Variants in GEMIN7 observed in about 807,000 individuals in gnomAD.
GEMIN7 encodes gem nuclear organelle associated protein 7, also known as gem-associated protein 7.
Under a neutral mutation model 7.8 loss-of-function variants are expected in GEMIN7, and 7 were observed. That is an observed-to-expected ratio of 0.90 (90% CI 0.51 to 1.69). The LOEUF (loss-of-function observed/expected upper bound fraction) is 1.69. Among genes scored for constraint, GEMIN7 ranks in the 40% most tolerant of loss-of-function variants. The pLI, the probability that GEMIN7 is intolerant of heterozygous loss-of-function variation, is 0.00. For synonymous variants in GEMIN7, 68 were observed against 72.4 expected (o/e 0.94, Z 0.31); for missense variants, 159 against 176.2 (o/e 0.90, Z 0.55).
At position 45,080,772 on chromosome 19, in the gene GEMIN7, T is replaced by G. The variant is rs532647231; in HGVS notation, c.-9+743T>G. On this transcript the variant is annotated intron_variant, in intron 2 of 2. Transcript: ENST00000270257. ...AAATCTCCCTTGTTTTTTGTTTTTT[T>G]TTTTTTTTTTCCTGATGGAGAAAAC... 4.2e-4 allele frequency among the ~76,000 whole-genome samples: 63 copies of G among 150,308 alleles called. 2 individuals are homozygous for G. The highest frequency in any genetic ancestry group is 3.4e-3 in the Middle Eastern group (1 of 294).
intron 2 of GEMIN7, among the ~76,000 whole-genome samples, chr19:45,088,127 G>T (rs903872389): frequency 2.0e-5 from 3 of 151,432 alleles, no homozygotes; most frequent in Admixed American, 6.6e-5. Context: ...TGTATTTTTC[G>T]TAGAGACGGG....
At chr19:45,083,958 A>C (rs8111408) in intron 2 of GEMIN7, among the ~76,000 whole-genome samples, 84,221 of 151,072 alleles carry the variant, frequency 0.56, 24,214 homozygotes, top group African/African-American at 0.68. Context: ...CGCCTGTAAT[A>C]CTAGCACTTT....
chr19:45,077,593 G>A (rs1397534708), upstream of GEMIN7, among the ~76,000 whole-genome samples: 2 of 152,134 alleles, frequency 1.3e-5, no homozygotes, highest in East Asian at 3.8e-4. Flanking sequence ...CAGCCCAGAT[G>A]CTGATTTCAG....
chr19:45,081,614 CCTTT>C (rs997852954), intron 2 of GEMIN7, among the ~76,000 whole-genome samples: 10 of 151,208 alleles, frequency 6.6e-5, no homozygotes, highest in African/African-American at 2.2e-4. Context: ...GGGCTCTTGA[CCTTT>C]CTTTTTTTGT....
intron 2 of GEMIN7, among the ~76,000 whole-genome samples, chr19:45,086,374 G>C (rs976899861): frequency 6.6e-6 from 1 of 152,188 alleles, no homozygotes; most frequent in African/African-American, 2.4e-5. Flanking sequence ...TCCTCACTAG[G>C]TTTAGAGAGG....
intron 2 of GEMIN7, among the ~76,000 whole-genome samples, chr19:45,089,191 C>T (rs1967808810): frequency 6.6e-6 from 1 of 152,206 alleles, no homozygotes; most frequent in Non-Finnish European, 1.5e-5. Flanking sequence ...ATTCGCCCAC[C>T]TTGGCCTCCC....
chr19:45,090,715 A>AATCTT lies in GEMIN7; in HGVS notation c.*206_*207insTCTTA. ...TCTAGGAATTCTAAGATCCCATTGG[A>AATCTT]AGGAATGCTCTACCTCACAGAACTC... is the stretch of plus-strand genomic sequence containing the variant. On this transcript the variant is annotated 3_prime_UTR_variant, in exon 3 of 3. Transcript: ENST00000270257. 3 of 586,702 alleles carry AATCTT rather than the reference A, an allele frequency of 5.1e-6. No homozygotes were observed. In the African/African-American group the frequency reaches 5.6e-5, roughly 11 times the overall value. 36.3% of individuals were successfully genotyped at this position (586,702 alleles called of 1,614,324 possible). A position where few individuals can be genotyped will look rare whatever the true frequency, so the allele number is the denominator to read the frequency against.
At chr19:45,081,168 A>G (rs1237789908) in intron 2 of GEMIN7, among the ~76,000 whole-genome samples, 2 of 152,194 alleles carry the variant, frequency 1.3e-5, no homozygotes, top group African/African-American at 4.8e-5. Flanking sequence ...TGCTTTTTAA[A>G]AAATTAGAAA....
intron 2 of GEMIN7, among the ~76,000 whole-genome samples, chr19:45,087,735 G>A (rs1406178748): frequency 6.6e-6 from 1 of 151,960 alleles, no homozygotes; most frequent in African/African-American, 2.4e-5. Context: ...GCAGAGGAGG[G>A]ATATGATCTG....
At chr19:45,076,150 G>A, upstream of GEMIN7, 1 of 1,547,470 alleles carries the variant, frequency 6.5e-7, no homozygotes, top group Non-Finnish European at 8.7e-7. This position sits in a 1 kb window ranked among gnomAD's most constrained non-coding sequence, Gnocchi z 4.9. Flanking sequence ...GGCGGCCCCG[G>A]CGGGCATGGG....
chr19:45,083,044 G>A (rs943199968), intron 2 of GEMIN7, among the ~76,000 whole-genome samples: 1 of 152,210 alleles, frequency 6.6e-6, no homozygotes, highest in Non-Finnish European at 1.5e-5. Context: ...CTGCTGTTGT[G>A]CTACTGTGGC....
chr19:45,090,680 A>C lies in GEMIN7; in HGVS notation c.*170A>C, dbSNP rs1967868758. The stretch of plus-strand genomic sequence containing the variant: ...AGACCTCCTGGGTCTAGTCAGTAAA[A>C]TTCTGCAACTCTAGGAATTCTAAGA... On this transcript the variant is annotated 3_prime_UTR_variant, in exon 3 of 3. Coordinates refer to ENST00000270257, the MANE Select transcript of GEMIN7 (RefSeq NM_024707.3). 1.6e-5 allele frequency: 10 copies of C among 616,228 alleles called. No homozygotes were observed. In the South Asian group the frequency reaches 2.1e-4, roughly 13 times the overall value. 38.2% of individuals were successfully genotyped at this position (616,228 alleles called of 1,614,324 possible).
intron 2 of GEMIN7, among the ~76,000 whole-genome samples, chr19:45,081,774 G>C (rs571914066): frequency 6.6e-6 from 1 of 151,846 alleles, no homozygotes; most frequent in Non-Finnish European, 1.5e-5. Context: ...TTACAGGCAC[G>C]CACCACCACA....
Position 45,090,346 on chromosome 19 carries a change from G to T in GEMIN7, c.232G>T (p.Val78Leu). 21 of 1,614,190 alleles carry T rather than the reference G, an allele frequency of 1.3e-5. No homozygotes were observed. The highest frequency in any genetic ancestry group is 1.8e-5 in the Non-Finnish European group (21 of 1,180,044). The change falls in exon 3 of 3, where the codon GTG becomes TTG. Residue 78 changes from valine to leucine, a missense_variant. Coordinates refer to ENST00000270257, the MANE Select transcript of GEMIN7 (RefSeq NM_024707.3). ...RSLLAMVGHQ[V>L]SFTLHEGVRV... ...CCTGCTGGCCATGGTGGGTCATCAG[G>T]TGAGCTTCACGTTGCACGAGGGTGT...
chr19:45,078,760 C>T (rs762660940), upstream of GEMIN7, among the ~76,000 whole-genome samples: 13 of 152,144 alleles, frequency 8.5e-5, no homozygotes, highest in Non-Finnish European at 1.8e-4. Context: ...GTTCATATTC[C>T]CCATTCAAGG....
At chr19:45,076,389 C>G, upstream of GEMIN7, 2 of 1,266,878 alleles carry the variant, frequency 1.6e-6, no homozygotes, top group Non-Finnish European at 2.0e-6. The surrounding 1 kb of genome is among the most constrained non-coding windows in gnomAD (Gnocchi z 4.9). Flanking sequence ...GCGGGCCGGG[C>G]GAGCGAGCGG....
intron 2 of GEMIN7, among the ~76,000 whole-genome samples, chr19:45,087,046 C>A (rs952563749): frequency 2.7e-4 from 41 of 151,932 alleles, no homozygotes; most frequent in African/African-American, 9.9e-4. Flanking sequence ...GGGGTTTCAC[C>A]ATGTTGATCA....
Position 45,090,099 on chromosome 19 carries a change from C to T in GEMIN7, c.-8-8C>T. 1 of 1,592,250 alleles carries T rather than the reference C, an allele frequency of 6.3e-7. No homozygotes were observed. The highest frequency in any genetic ancestry group is 1.3e-5 in the African/African-American group (1 of 74,288). On this transcript the variant is annotated splice_region_variant and splice_polypyrimidine_tract_variant and intron_variant, in intron 2 of 2. Transcript: ENST00000270257. ...AATGACTTCCTGCTCTTTTTCTTCA[C>T]TCAACAGCCAAGACAATGCAAACTC...
intron 2 of GEMIN7, among the ~76,000 whole-genome samples, chr19:45,087,942 ATTTTTT>A (rs535770065): frequency 1.7e-5 from 2 of 116,440 alleles, no homozygotes; most frequent in Admixed American, 8.9e-5. Flanking sequence ...TAGATATATA[ATTTTTT>A]TTTTTTTTTT....
Sources: allele counts gnomAD v4.1 joint callset (sites outside exome capture counted in the v4.1 genomes callset), GRCh38; gene constraint gnomAD v4.1.1; non-coding constraint Gnocchi (gnomAD v3.1); transcripts MANE v1.5; gene names NCBI Gene and HGNC (gene_info 2026-07-23, HGNC 2026-07-21).